RUNX1T1: variants seen among roughly 807,000 people sequenced by gnomAD.
The protein encoded by RUNX1T1 is RUNX1 partner transcriptional co-repressor 1, also known as protein CBFA2T1.
In RUNX1T1, 4 loss-of-function variants were observed where a neutral mutation model predicts 62.8. The observed-to-expected ratio is 0.06, with a 90% confidence interval of 0.03 to 0.15. The LOEUF is 0.15. RUNX1T1 is among the 10% of genes least tolerant of loss of function. The pLI is 1.00. For synonymous variants in RUNX1T1, 291 were observed against 286.0 expected (o/e 1.02, Z -0.18); for missense variants, 508 against 754.3 (o/e 0.67, Z 3.82).
chr8:92,095,261 G>C (rs2130934650), intron 1 of RUNX1T1: 1 of 1,519,760 alleles, frequency 6.6e-7, no homozygotes. Context: ...GAGGGAGAGA[G>C]AAAAGCCGCC....
chr8:92,083,736 A>G (rs1415727124), intron 1 of RUNX1T1, among the ~76,000 whole-genome samples: 1 of 152,198 alleles, frequency 6.6e-6, no homozygotes, highest in Non-Finnish European at 1.5e-5. Flanking sequence ...TGACCCAGCA[A>G]TCCCATTGCT....
intron 1 of RUNX1T1, among the ~76,000 whole-genome samples, chr8:92,056,681 T>C (rs1307618103): frequency 6.6e-6 from 1 of 152,138 alleles, no homozygotes; most frequent in African/African-American, 2.4e-5. Flanking sequence ...TGTACTCATC[T>C]ACTGGAAACA....
At chr8:92,047,409 T>A (rs1829580882) in intron 1 of RUNX1T1, among the ~76,000 whole-genome samples, 1 of 152,130 alleles carries the variant, frequency 6.6e-6, no homozygotes, top group Non-Finnish European at 1.5e-5. Flanking sequence ...CTCCTTATCC[T>A]GATTTTCCAT....
chr8:91,957,983 A>C (rs1442048689), downstream of RUNX1T1: 2 of 219,038 alleles, frequency 9.1e-6, no homozygotes, highest in East Asian at 1.3e-4. Flanking sequence ...ACAGGGAAGA[A>C]ATGCTTTTAA....
intron 1 of RUNX1T1, among the ~76,000 whole-genome samples, chr8:92,035,641 T>C (rs1283174018): frequency 6.6e-6 from 1 of 152,180 alleles, no homozygotes; most frequent in African/African-American, 2.4e-5. Context: ...CTTTGCATAA[T>C]ACAACTTTTC....
chr8:91,992,867 C>T (rs780464578), intron 5 of RUNX1T1, among the ~76,000 whole-genome samples: 37 of 152,134 alleles, frequency 2.4e-4, no homozygotes, highest in African/African-American at 4.1e-4. Context: ...TAACTAGTCA[C>T]GATTCCTTGA....
rs562417210 is a variant in RUNX1T1 at position 91,959,257 on chromosome 8, A to T, written c.*985T>A. 3.7e-5 allele frequency: 8 copies of T among 218,494 alleles called. No homozygotes were observed. In the Admixed American group the frequency reaches 4.0e-4, roughly 11 times the overall value. 13.5% of individuals were successfully genotyped at this position (218,494 alleles called of 1,614,324 possible). A position where few individuals can be genotyped will look rare whatever the true frequency, so the allele number is the denominator to read the frequency against. ...AGCTGAAGCCACCATTTTTAAAATT[A>T]TTTTTTTCAATATAAAATGAATGAG... On this transcript the variant is annotated 3_prime_UTR_variant, in exon 11 of 11. Coordinates refer to ENST00000396218, the Ensembl canonical transcript of RUNX1T1.
chr8:91,959,452 G>GCA (rs1809931873), exon 11 of RUNX1T1: 1 of 138,446 alleles, frequency 7.2e-6, no homozygotes, highest in African/African-American at 4.9e-5. Flanking sequence ...GTGTGTGTGT[G>GCA]TGTGTGTGTG....
chr8:92,019,172 T>C (rs1395467214), intron 1 of RUNX1T1: 2 of 152,180 alleles, frequency 1.3e-5, no homozygotes, highest in Admixed American at 6.5e-5. Context: ...TTCCCACTTA[T>C]GTTGCAGCTG....
intron 1 of RUNX1T1, among the ~76,000 whole-genome samples, chr8:92,020,593 TA>T (rs1469964635): frequency 6.6e-6 from 1 of 151,948 alleles, no homozygotes; most frequent in African/African-American, 2.4e-5. Context: ...CAAAGGTAAG[TA>T]AAATAAAAAA....
At chr8:92,060,553 A>ATATGTGTGTGTGTGTGTGTGTGTGTG in intron 1 of RUNX1T1, among the ~76,000 whole-genome samples, 1 of 63,972 alleles carries the variant, frequency 1.6e-5, no homozygotes, top group African/African-American at 5.8e-5. Flanking sequence ...ATATATATAT[A>ATATGTGTGTGTGTGTGTGTGTGTGTG]TGTGTGTGTG....
chr8:91,997,136 A>G (rs993035007), intron 5 of RUNX1T1, among the ~76,000 whole-genome samples: 6 of 152,148 alleles, frequency 3.9e-5, no homozygotes, highest in African/African-American at 1.4e-4. Context: ...CAAGGAAAAA[A>G]TAAAAATAAA....
At chr8:92,094,941 T>C (rs1837567833) in intron 1 of RUNX1T1, 5 of 944,864 alleles carry the variant, frequency 5.3e-6, no homozygotes, top group South Asian at 1.5e-5. Flanking sequence ...AAATAATCTA[T>C]TGTTCCCCCT....
chr8:92,095,674 A>T, intron 1 of RUNX1T1: 3 of 668,232 alleles, frequency 4.5e-6, no homozygotes, highest in Non-Finnish European at 6.4e-6. Flanking sequence ...CACAGGCAGG[A>T]GGGAAGGAGG....
chr8:92,050,723 T>C (rs1830101916), intron 1 of RUNX1T1, among the ~76,000 whole-genome samples: 1 of 152,166 alleles, frequency 6.6e-6, no homozygotes, highest in Non-Finnish European at 1.5e-5. Flanking sequence ...CCAGGGTTAG[T>C]TAGTGACTAC....
At chr8:91,976,130 T>C in intron 8 of RUNX1T1, 157 bp from the exon 10 acceptor site, 1 of 571,474 alleles carries the variant, frequency 1.7e-6, no homozygotes, top group Non-Finnish European at 3.2e-6. Context: ...TGAAAACACA[T>C]AAAAATAGCA....
intron 1 of RUNX1T1, among the ~76,000 whole-genome samples, chr8:92,098,876 G>A (rs956920698): frequency 6.6e-6 from 1 of 152,132 alleles, no homozygotes; most frequent in Non-Finnish European, 1.5e-5. Context: ...AACCTGCTCT[G>A]TCTTATCACT....
intron 4 of RUNX1T1, chr8:92,006,469 C>T (rs1456063541): frequency 6.6e-6 from 1 of 152,112 alleles, no homozygotes; most frequent in African/African-American, 2.4e-5. Flanking sequence ...TTTCTGAATA[C>T]AGGAGAGGTC....
chr8:92,061,488 A>T (rs558041084), intron 1 of RUNX1T1, among the ~76,000 whole-genome samples: 4 of 152,226 alleles, frequency 2.6e-5, no homozygotes, highest in Non-Finnish European at 4.4e-5. Flanking sequence ...TCAGCTACAT[A>T]CATTCCTAGT....
Sources: allele counts gnomAD v4.1 joint callset (sites outside exome capture counted in the v4.1 genomes callset), GRCh38; gene constraint gnomAD v4.1.1; transcripts MANE v1.5; gene names NCBI Gene and HGNC (gene_info 2026-07-23, HGNC 2026-07-21).